Variants in ZNF236 observed in about 807,000 individuals in gnomAD.
ZNF236 encodes the protein zinc finger protein 236.
In ZNF236, 50 loss-of-function variants were observed where a neutral mutation model predicts 191.2. That is an observed-to-expected ratio of 0.26 (90% CI 0.21 to 0.33). The LOEUF is 0.33. Among genes scored for constraint, ZNF236 ranks in the 10% least tolerant of loss-of-function variants. The pLI, the probability that ZNF236 is intolerant of heterozygous loss-of-function variation, is 1.00. For missense variants in ZNF236, 1,754 were observed against 2,374.5 expected, an observed-to-expected ratio of 0.74 and a Z score of 5.43; for synonymous variants, 907 against 928.8, an observed-to-expected ratio of 0.98 and a Z score of 0.43.
chr18:76,949,815 C>T (rs1166783504), intron 27 of ZNF236, among the ~76,000 whole-genome samples: 6 of 151,964 alleles, frequency 3.9e-5, no homozygotes, highest in Admixed American at 3.3e-4. Context: ...TGCACCACCA[C>T]ACCTGGCTAA....
chr18:76,917,715 C>T (rs573127046), intron 19 of ZNF236, among the ~76,000 whole-genome samples: 17 of 152,304 alleles, frequency 1.1e-4, no homozygotes, highest in Middle Eastern at 3.4e-3. Context: ...CTGTGCTATA[C>T]TGATTGTGTT....
intron 9 of ZNF236, among the ~76,000 whole-genome samples, chr18:76,889,515 C>T (rs1244368476): frequency 2.0e-5 from 3 of 152,116 alleles, no homozygotes; most frequent in Non-Finnish European, 4.4e-5. Context: ...TGCACTTAGG[C>T]GCTAGGATCA....
In ZNF236 at chr18:76,895,186, A is replaced by G. The variant is rs751565816; in HGVS notation, c.1591A>G (p.Ile531Val). ...FAVKSTLTAH[I>V]KTHTGIKAFK... The stretch of plus-strand genomic sequence containing the variant: ...CGTGAAGAGCACGCTGACAGCGCAC[A>G]TCAAGACGCACACCGGCATCAAGGC... Residue 531 changes from isoleucine (I) to valine (V), a missense_variant, in exon 10 of 31, where the codon ATC becomes GTC. Ile to Val is a conservative substitution (Grantham distance 29). This residue lies in a region of ZNF236 where 641 missense variants were observed against 869.6 expected (regional missense o/e 0.74). Transcript: ENST00000320610. The G allele has an allele frequency of 1.2e-6, 2 of 1,604,600 alleles. No individual in the cohort carries two copies. Among genetic ancestry groups the G allele is most frequent in the Non-Finnish European group, 1.7e-6 (2 of 1,179,968 alleles).
chr18:76,910,860 A>T (rs1172763617), intron 16 of ZNF236, 49 bp downstream of exon 16: 2 of 1,588,402 alleles, frequency 1.3e-6, no homozygotes, highest in Non-Finnish European at 1.7e-6. Context: ...AGCAGGTGCT[A>T]TGTTATTCTT....
chr18:76,892,916 T>C (rs1424914744), intron 9 of ZNF236, among the ~76,000 whole-genome samples: 1 of 152,204 alleles, frequency 6.6e-6, no homozygotes, highest in Non-Finnish European at 1.5e-5. Context: ...AAGCTTGCCA[T>C]GTGGGATTGC....
rs576643905 is a variant in ZNF236 at position 76,836,056 on chromosome 18, C to T, written c.55+13394C>T. Among the ~76,000 whole-genome samples the T allele has an allele frequency of 8.7e-4, 132 of 152,050 alleles. 1 individual carries two copies. Among genetic ancestry groups the T allele is most frequent in the African/African-American group, 2.6e-3 (107 of 41,472 alleles). On this transcript the variant is annotated intron_variant, in intron 1 of 30. Transcript: ENST00000320610. ...CCAAGTAGCTGGGATTACAGGCGCC[C>T]ACCACCACACCCAGCTAATTTTTGT...
At position 76,878,008 on chromosome 18, in the gene ZNF236, G is replaced by T; in HGVS notation, c.841-1G>T. The T allele has an allele frequency of 6.4e-7, 1 of 1,561,400 alleles. No homozygotes were observed. The highest frequency in any genetic ancestry group is 8.7e-7 in the Non-Finnish European group (1 of 1,152,152). On this transcript the variant is annotated splice_acceptor_variant, in intron 6 of 30. Transcript: ENST00000320610. LOFTEE classifies it high-confidence loss of function. ...CATTTTTTTCCTTTTTATTCTTTAAGGTCAAGAATGGTCCTACCTATAACT... is the reference window on the plus strand; with the variant it reads ...CATTTTTTTCCTTTTTATTCTTTAATGTCAAGAATGGTCCTACCTATAACT...
At chr18:76,944,806 G>A (rs111439167) in intron 26 of ZNF236, among the ~76,000 whole-genome samples, 29 of 152,226 alleles carry the variant, frequency 1.9e-4, no homozygotes, top group African/African-American at 7.0e-4. Flanking sequence ...CTTAATTAAG[G>A]TTTGCAATTG....
chr18:76,920,089 G>A (rs374504739), intron 20 of ZNF236, 31 bp downstream of exon 20: 89 of 1,589,166 alleles, frequency 5.6e-5, no homozygotes, highest in Non-Finnish European at 6.9e-5. Flanking sequence ...CGCGGGTTCC[G>A]CTCTGAAGAC....
At chr18:76,918,609 G>A (rs1041672677) in intron 19 of ZNF236, among the ~76,000 whole-genome samples, 8 of 152,126 alleles carry the variant, frequency 5.3e-5, no homozygotes, top group African/African-American at 1.4e-4. Flanking sequence ...ATTTTTTTTT[G>A]TAGAGACGGG....
chr18:76,860,950 A>T (rs1286886496), intron 3 of ZNF236, among the ~76,000 whole-genome samples: 1 of 152,100 alleles, frequency 6.6e-6, no homozygotes, highest in Non-Finnish European at 1.5e-5. Flanking sequence ...TCTGGCGTGA[A>T]GCTGGTGAGG....
intron 3 of ZNF236, among the ~76,000 whole-genome samples, chr18:76,857,555 G>A (rs1019019229): frequency 1.3e-5 from 2 of 152,166 alleles, no homozygotes; most frequent in Non-Finnish European, 2.9e-5. Flanking sequence ...GCAAAGCAGA[G>A]GAGAGTAGAA....
intron 5 of ZNF236, among the ~76,000 whole-genome samples, chr18:76,872,342 G>A (rs1243298334): frequency 2.6e-5 from 4 of 152,172 alleles, no homozygotes; most frequent in South Asian, 2.1e-4. Flanking sequence ...TTAGCCAGGC[G>A]TGGTAGCACC....
At chr18:76,903,115 G>A (rs1037678096) in intron 11 of ZNF236, among the ~76,000 whole-genome samples, 4 of 152,242 alleles carry the variant, frequency 2.6e-5, no homozygotes, top group African/African-American at 7.2e-5. Context: ...AGGTTCTGAT[G>A]CAAGCTTCAG....
intron 1 of ZNF236, among the ~76,000 whole-genome samples, chr18:76,846,727 C>T (rs992376867): frequency 6.6e-6 from 1 of 152,074 alleles, no homozygotes; most frequent in Non-Finnish European, 1.5e-5. Context: ...TGTTAACGTG[C>T]AGAGTCTTGC....
intron 30 of ZNF236, among the ~76,000 whole-genome samples, chr18:76,964,203 C>T (rs775154376): frequency 5.3e-5 from 8 of 152,128 alleles, no homozygotes; most frequent in South Asian, 4.1e-4. Context: ...TTTAGGGCTA[C>T]GAACTTTCCT....
At chr18:76,913,638 T>G (rs1313675694) in intron 17 of ZNF236, 109 bp from the exon 18 acceptor site, 1 of 1,181,582 alleles carries the variant, frequency 8.5e-7, no homozygotes, top group Admixed American at 2.2e-5. Flanking sequence ...TGCCTAAATG[T>G]TTCATGGTTG....
rs550007068 is a variant in ZNF236, at chr18:76,926,447, G to C, written c.4028-590G>C. Among the ~76,000 whole-genome samples, 4 of 152,164 alleles carry C rather than the reference G, an allele frequency of 2.6e-5. No individual in the cohort carries two copies. In the South Asian group the frequency reaches 8.3e-4, roughly 32 times the overall value. ...GTGTATGGTATAAAGTAGGTTTCTG[G>C]GGTGATTAGACATTGTGTGTATATA... On this transcript the variant is annotated intron_variant, in intron 22 of 30. Transcript: ENST00000320610.
intron 3 of ZNF236, among the ~76,000 whole-genome samples, chr18:76,868,353 TA>T (rs1186424958): frequency 6.6e-6 from 1 of 152,218 alleles, no homozygotes; most frequent in Non-Finnish European, 1.5e-5. Flanking sequence ...TACTTCTCTC[TA>T]AAGCGCTCAC....
Sources: gnomAD v4.1 joint callset for allele counts (sites outside exome capture counted in the v4.1 genomes callset) on GRCh38, gnomAD v4.1.1 for gene constraint, gnomAD v4.1.1 regional missense constraint, MANE v1.5 for transcripts, NCBI Gene and HGNC (gene_info 2026-07-23, HGNC 2026-07-21) for gene names.